Variants in MYRFL observed in about 807,000 individuals in gnomAD.
MYRFL encodes the protein myelin regulatory factor like, also known as myelin regulatory factor-like protein.
In MYRFL, 88 loss-of-function variants were observed where a neutral mutation model predicts 109.4. The observed-to-expected ratio is 0.80, with a 90% confidence interval of 0.68 to 0.96. The LOEUF (loss-of-function observed/expected upper bound fraction) is 0.96, where lower values mean the gene tolerates loss of function less well. Among genes scored for constraint, MYRFL ranks in the 40% least tolerant of loss-of-function variants. The probability of loss-of-function intolerance (pLI) is 0.00; values close to 1 mark genes in which losing one functional copy is unlikely to be tolerated. For synonymous variants in MYRFL, 324 were observed against 320.9 expected (o/e 1.01, Z -0.10); for missense variants, 957 against 954.9 (o/e 1.00, Z -0.03).
Position 69,887,319 on chromosome 12 carries a change from C to G in MYRFL, c.707+349C>G, listed in dbSNP as rs569136443. On this transcript the variant is annotated intron_variant, in intron 6 of 24. Transcript: ENST00000552032. ...TTAATCCTGCAGTTAACTTATAATGCCATAAAATACTTTTCTGGGGGCCAC... is the reference window on the plus strand; with the variant it reads ...TTAATCCTGCAGTTAACTTATAATGGCATAAAATACTTTTCTGGGGGCCAC... Among the ~76,000 whole-genome samples, 13 of 152,260 alleles carry G rather than the reference C, an allele frequency of 8.5e-5. No homozygotes were observed. In the East Asian group the frequency reaches 2.3e-3, roughly 27 times the overall value.
chr12:69,880,348 G>A (rs1885994425), intron 5 of MYRFL, 56 bp downstream of exon 5: 2 of 683,330 alleles, frequency 2.9e-6, no homozygotes, highest in Non-Finnish European at 5.3e-6. Flanking sequence ...GGGCATTAAA[G>A]CAAGGCTTTT....
chr12:69,907,178 C>T (rs1164736678), intron 11 of MYRFL, among the ~76,000 whole-genome samples: 1 of 152,132 alleles, frequency 6.6e-6, no homozygotes. Context: ...TTTGGGAAGA[C>T]TATAAGTCCA....
chr12:69,954,184 G>T (rs749206287), intron 21 of MYRFL, among the ~76,000 whole-genome samples: 1 of 115,360 alleles, frequency 8.7e-6, no homozygotes, highest in Non-Finnish European at 1.8e-5. Flanking sequence ...GATGATTCAA[G>T]TTCAAGTCCT....
intron 15 of MYRFL, among the ~76,000 whole-genome samples, chr12:69,930,706 G>A (rs1955244025): frequency 6.6e-6 from 1 of 151,800 alleles, no homozygotes; most frequent in Non-Finnish European, 1.5e-5. Flanking sequence ...TAGTTACTAG[G>A]GAGGCTGAGG....
chr12:69,958,878 T>TTAAAGC lies in MYRFL; in HGVS notation c.*349_*354dup, dbSNP rs1450944748. 5.1e-6 allele frequency: 1 copy of TTAAAGC among 197,368 alleles called. No individual in the cohort carries two copies. The highest frequency in any genetic ancestry group is 2.4e-5 in the African/African-American group (1 of 42,110). The allele number at this position is 197,368 out of a possible 1,614,324, so 12.2% of individuals were successfully genotyped here. A position where few individuals can be genotyped will look rare whatever the true frequency, so the allele number is the denominator to read the frequency against. On this transcript the variant is annotated 3_prime_UTR_variant, in exon 25 of 25. Coordinates refer to ENST00000552032, the MANE Select transcript of MYRFL (RefSeq NM_182530.3). ...AGCCTCTATTTTGTTTTAATGTATT[T>TTAAAGC]TAAAGCTTTTGAAAAAACCAAAAGG...
chr12:69,932,192 C>T (rs1388795072), intron 15 of MYRFL, among the ~76,000 whole-genome samples: 1 of 152,232 alleles, frequency 6.6e-6, no homozygotes, highest in Non-Finnish European at 1.5e-5. Context: ...GACAACATCT[C>T]ATCTCAGGTC....
At chr12:69,850,426 T>G (rs557893026) in intron 1 of MYRFL, among the ~76,000 whole-genome samples, 1 of 152,052 alleles carries the variant, frequency 6.6e-6, no homozygotes, top group African/African-American at 2.4e-5. Context: ...GAAGGAAAAC[T>G]AAAGGAATTA....
intron 1 of MYRFL, among the ~76,000 whole-genome samples, chr12:69,832,272 G>A (rs1482618464): frequency 6.6e-6 from 1 of 152,060 alleles, no homozygotes; most frequent in East Asian, 1.9e-4. Context: ...AGTTGGCTAT[G>A]ACAAGAATGA....
intron 16 of MYRFL, chr12:69,935,910 G>A (rs1167895607): frequency 3.3e-6 from 2 of 605,794 alleles, no homozygotes; most frequent in East Asian, 2.9e-5. Context: ...GAGCCTCTGA[G>A]CTCTTTTTCT....
chr12:69,928,461 T>C (rs1193585809), intron 15 of MYRFL, among the ~76,000 whole-genome samples: 1 of 152,212 alleles, frequency 6.6e-6, no homozygotes, highest in African/African-American at 2.4e-5. Flanking sequence ...TGACCTTAAA[T>C]GACACCCTAT....
intron 22 of MYRFL, among the ~76,000 whole-genome samples, chr12:69,956,375 AC>A (rs1956096101): frequency 6.6e-6 from 1 of 152,048 alleles, no homozygotes; most frequent in Admixed American, 6.5e-5. Context: ...TATTAGGACT[AC>A]CTTTCCTCCT....
chr12:69,910,392 T>C (rs982705694), intron 12 of MYRFL, among the ~76,000 whole-genome samples: 2 of 151,964 alleles, frequency 1.3e-5, no homozygotes, highest in African/African-American at 4.8e-5. Context: ...AGGAACGGCA[T>C]TGGGCAGTCG....
rs576891910 is a variant in MYRFL, at chr12:69,853,520, C to T, written c.47-1760C>T. Among the ~76,000 whole-genome samples, 693 of 147,004 alleles carry T rather than the reference C, an allele frequency of 4.7e-3. 6 individuals are homozygous for T. The highest frequency in any genetic ancestry group is 0.016 in the African/African-American group (643 of 39,450). On this transcript the variant is annotated intron_variant, in intron 1 of 24. Coordinates refer to ENST00000552032, the MANE Select transcript of MYRFL (RefSeq NM_182530.3). ...GGCGCGCCTCACATCCCAGACGGGG[C>T]GGCGGGGCAGAGGCGCTCCCCACAT...
intron 13 of MYRFL, among the ~76,000 whole-genome samples, chr12:69,924,950 G>C (rs981865527): frequency 6.6e-6 from 1 of 152,178 alleles, no homozygotes; most frequent in African/African-American, 2.4e-5. Context: ...TTTCCAGTGG[G>C]CAAAGGCATG....
intron 21 of MYRFL, among the ~76,000 whole-genome samples, chr12:69,955,125 T>TA: frequency 6.6e-6 from 1 of 152,272 alleles, no homozygotes; most frequent in East Asian, 1.9e-4. Flanking sequence ...CTGTGTGTTC[T>TA]AAAAAACTAT....
At chr12:69,945,221 A>G (rs1379744837) in intron 19 of MYRFL, among the ~76,000 whole-genome samples, 3 of 152,208 alleles carry the variant, frequency 2.0e-5, no homozygotes, top group African/African-American at 7.2e-5. Flanking sequence ...GCCTAAATAT[A>G]TGGTGTTTAT....
chr12:69,883,601 G>T (rs1886260446), intron 5 of MYRFL, among the ~76,000 whole-genome samples: 1 of 151,816 alleles, frequency 6.6e-6, no homozygotes. Context: ...GGTGGCTCAT[G>T]CCTGTAATCT....
chr12:69,853,831 CG>C (rs1884081901), intron 1 of MYRFL, among the ~76,000 whole-genome samples: 1 of 151,516 alleles, frequency 6.6e-6, no homozygotes, highest in African/African-American at 2.4e-5. Context: ...GACGGGATCG[CG>C]GCCGGGAAGA....
At chr12:69,879,479 A>G in intron 4 of MYRFL, 26 bp downstream of exon 4, 1 of 688,492 alleles carries the variant, frequency 1.5e-6, no homozygotes, top group Non-Finnish European at 2.7e-6. Flanking sequence ...TTTAGTTATC[A>G]AAGACCTTTG....
Sources: gnomAD v4.1 joint callset for allele counts (sites outside exome capture counted in the v4.1 genomes callset) on GRCh38, gnomAD v4.1.1 for gene constraint, MANE v1.5 for transcripts, NCBI Gene and HGNC (gene_info 2026-07-23, HGNC 2026-07-21) for gene names.